WWTR1: variants seen among roughly 807,000 people sequenced by gnomAD.
WWTR1 encodes the protein WW domain containing transcription regulator 1.
Under a neutral mutation model 40.1 loss-of-function variants are expected in WWTR1, and 13 were observed. That is an observed-to-expected ratio of 0.32 (90% CI 0.21 to 0.52). The LOEUF (loss-of-function observed/expected upper bound fraction) is 0.52. Ranked by LOEUF, WWTR1 falls within the 20% of genes least tolerant of loss-of-function variation. The pLI, the probability that WWTR1 is intolerant of heterozygous loss-of-function variation, is 0.97. For missense variants in WWTR1, 436 were observed against 523.1 expected (o/e 0.83, Z 1.63); for synonymous variants, 230 against 210.1 (o/e 1.09, Z -0.82).
At chr3:149,653,432 C>T (rs1713016498) in intron 2 of WWTR1, among the ~76,000 whole-genome samples, 1 of 152,120 alleles carries the variant, frequency 6.6e-6, no homozygotes, top group South Asian at 2.1e-4. Context: ...CACTGTTACT[C>T]TAATTTTTAA....
Position 149,527,915 on chromosome 3 carries a change from G to C in WWTR1, c.826C>G (p.Gln276Glu), listed in dbSNP as rs776129502. 42 of 1,613,982 alleles carry C rather than the reference G, an allele frequency of 2.6e-5. No individual in the cohort carries two copies. In the East Asian group the frequency reaches 7.6e-4, roughly 29 times the overall value. ...ATCGTGGGTGGGTTGACAGCAGCCTGAACTGGGGCAAGAGTCTCAGCTTCC... is the reference window on the plus strand; with the variant it reads ...ATCGTGGGTGGGTTGACAGCAGCCTCAACTGGGGCAAGAGTCTCAGCTTCC... ...PMEAETLAPVQAAVNPPTMTP... is the reference protein window; with the variant it reads ...PMEAETLAPVEAAVNPPTMTP... The change falls in exon 5 of 7, where the codon CAG becomes GAG. Residue 276 changes from glutamine (Q) to glutamate (E), a missense_variant. Coordinates refer to ENST00000360632, the MANE Select transcript of WWTR1 (RefSeq NM_015472.6).
At chr3:149,596,041 A>AAAAAAC (rs1175006609) in intron 2 of WWTR1, among the ~76,000 whole-genome samples, 2 of 152,152 alleles carry the variant, frequency 1.3e-5, no homozygotes, top group African/African-American at 4.8e-5. Flanking sequence ...ATCTCTCAAA[A>AAAAAAC]AAAAACAAAA....
At chr3:149,567,007 A>G (rs896289375) in intron 3 of WWTR1, among the ~76,000 whole-genome samples, 1 of 152,068 alleles carries the variant, frequency 6.6e-6, no homozygotes, top group Admixed American at 6.6e-5. Flanking sequence ...CACTTTACCA[A>G]AAGTTTCTGA....
intron 6 of WWTR1, among the ~76,000 whole-genome samples, chr3:149,521,871 T>C (rs969799550): frequency 6.6e-6 from 1 of 152,188 alleles, no homozygotes; most frequent in African/African-American, 2.4e-5. Context: ...AGTTTACCCA[T>C]CTAGAAATTG....
intron 2 of WWTR1, among the ~76,000 whole-genome samples, chr3:149,573,789 G>A (rs1025066538): frequency 1.3e-5 from 2 of 152,142 alleles, no homozygotes; most frequent in African/African-American, 4.8e-5. Context: ...CATGAAACAT[G>A]AGCTTCTGCT....
At chr3:149,690,729 G>A (rs765594828) in intron 1 of WWTR1, among the ~76,000 whole-genome samples, 7 of 152,142 alleles carry the variant, frequency 4.6e-5, no homozygotes, top group Non-Finnish European at 1.0e-4. Context: ...AATCAACAAA[G>A]AAACATCAGA....
chr3:149,639,993 C>CAAAAAAA (rs1215330406), intron 2 of WWTR1, among the ~76,000 whole-genome samples: 1 of 76,306 alleles, frequency 1.3e-5, no homozygotes, highest in Admixed American at 1.9e-4. Context: ...GACTCCGTCT[C>CAAAAAAA]AAAAAAAAAA....
At chr3:149,643,938 A>T (rs1199363944) in intron 2 of WWTR1, among the ~76,000 whole-genome samples, 1 of 152,082 alleles carries the variant, frequency 6.6e-6, no homozygotes, top group Non-Finnish European at 1.5e-5. Flanking sequence ...TACAGGGTCC[A>T]TCAGTACTTC....
chr3:149,550,825 G>A (rs1357797904), intron 3 of WWTR1, among the ~76,000 whole-genome samples: 3 of 145,876 alleles, frequency 2.1e-5, no homozygotes, highest in Non-Finnish European at 4.5e-5. Flanking sequence ...AAATTTCAAA[G>A]ATGGCTTAAC....
At chr3:149,559,309 AAAAAGAAAAG>A (rs1348397876) in intron 3 of WWTR1, among the ~76,000 whole-genome samples, 1 of 148,394 alleles carries the variant, frequency 6.7e-6, no homozygotes, top group African/African-American at 2.5e-5. Context: ...AAAAAAAAAA[AAAAAGAAAAG>A]AAAAGAAAAA....
intron 4 of WWTR1, among the ~76,000 whole-genome samples, chr3:149,534,794 T>C (rs1735747674): frequency 6.6e-6 from 1 of 152,206 alleles, no homozygotes; most frequent in African/African-American, 2.4e-5. Flanking sequence ...TCTAGCTCTC[T>C]GAAGTGAGTA....
chr3:149,642,774 C>CAA (rs1208125999), intron 2 of WWTR1, among the ~76,000 whole-genome samples: 10 of 62,166 alleles, frequency 1.6e-4, no homozygotes, highest in South Asian at 5.2e-4. Flanking sequence ...GACTCCGTCT[C>CAA]AAAAAAAAAA....
chr3:149,555,752 T>C (rs1736798683), intron 3 of WWTR1, among the ~76,000 whole-genome samples: 1 of 152,210 alleles, frequency 6.6e-6, no homozygotes, highest in South Asian at 2.1e-4. Flanking sequence ...CACCTAGCTA[T>C]TCATTTCCCC....
intron 2 of WWTR1, among the ~76,000 whole-genome samples, chr3:149,636,129 T>C (rs940538120): frequency 6.6e-6 from 1 of 152,234 alleles, no homozygotes; most frequent in Non-Finnish European, 1.5e-5. Context: ...TTAATCTGGC[T>C]AAACTTTCTT....
rs745480907 is a variant in WWTR1 at position 149,569,054 on chromosome 3, C to T, written c.568+3810G>A. Among the ~76,000 whole-genome samples, 258 of 152,318 alleles carry T rather than the reference C, an allele frequency of 1.7e-3. 1 individual carries two copies. Among genetic ancestry groups the T allele is most frequent in the Non-Finnish European group, 2.7e-3 (186 of 68,024 alleles). On this transcript the variant is annotated intron_variant, in intron 3 of 6. Coordinates refer to ENST00000360632, the MANE Select transcript of WWTR1 (RefSeq NM_015472.6). ...GTGCTGGGATTACAGGTGTGAGCCA[C>T]CGCGCCCGGCATCTAAAGCTCTTAT...
Position 149,656,799 on chromosome 3 carries a change from A to T in WWTR1, c.431+77T>A, listed in dbSNP as rs1195065006. On this transcript the variant is annotated intron_variant, in intron 2 of 6. Transcript: ENST00000360632. ...CTCTCTCTCTCTCTCTCTCACACACACACACACACACACACGAACACACGC... is the reference window on the plus strand; with the variant it reads ...CTCTCTCTCTCTCTCTCTCACACACTCACACACACACACACGAACACACGC... The T allele has an allele frequency of 5.1e-5, 66 of 1,306,436 alleles. No homozygotes were observed. The African/African-American group carries it at 8.3e-4, about 16-fold the overall frequency. 80.9% of individuals were successfully genotyped at this position (1,306,436 alleles called of 1,614,324 possible).
In WWTR1 at chr3:149,534,632, T is replaced by C. The variant is rs987759202; in HGVS notation, c.772-6663A>G. On this transcript the variant is annotated intron_variant, in intron 4 of 6. Transcript: ENST00000360632. ...CATCAAGCAAAGTTACAAGTTCCAA[T>C]TTCAAGGGCACTTTTCAGAAGGAAA... Among the ~76,000 whole-genome samples, 12 of 152,280 alleles carry C rather than the reference T, an allele frequency of 7.9e-5. 1 individual carries two copies. Among genetic ancestry groups the C allele is most frequent in the Admixed American group, 5.9e-4 (9 of 15,300 alleles).
At chr3:149,606,653 A>T (rs1413622580) in intron 2 of WWTR1, among the ~76,000 whole-genome samples, 1 of 152,222 alleles carries the variant, frequency 6.6e-6, no homozygotes, top group Non-Finnish European at 1.5e-5. Flanking sequence ...AGTGATGGGC[A>T]ATACACACTC....
chr3:149,663,938 A>G (rs1396345297), intron 2 of WWTR1, among the ~76,000 whole-genome samples: 2 of 152,202 alleles, frequency 1.3e-5, no homozygotes, highest in African/African-American at 4.8e-5. Context: ...TGTTTCTCCC[A>G]TGCCTAACAA....
Sources: allele counts gnomAD v4.1 joint callset (sites outside exome capture counted in the v4.1 genomes callset), GRCh38; gene constraint gnomAD v4.1.1; transcripts MANE v1.5; gene names NCBI Gene and HGNC (gene_info 2026-07-23, HGNC 2026-07-21).